MAF: variants seen among roughly 807,000 people sequenced by gnomAD.
The protein encoded by MAF is MAF bZIP transcription factor, also known as transcription factor Maf.
In MAF, 10 loss-of-function variants were observed where a neutral mutation model predicts 22.0. The observed-to-expected ratio is 0.45, with a 90% CI of 0.28 to 0.77. The LOEUF is 0.77. MAF is among the 30% of genes least tolerant of loss of function. The pLI is 0.12. For synonymous variants in MAF, 337 were observed against 255.8 expected (o/e 1.32, Z -3.03); for missense variants, 544 against 548.4 (o/e 0.99, Z 0.08).
the MAF span, among the ~76,000 whole-genome samples, chr16:79,563,111 G>C: frequency 6.6e-6 from 1 of 152,178 alleles, no homozygotes; most frequent in Non-Finnish European, 1.5e-5. Context: ...ACGCTCAGGA[G>C]GATTTATCGT....
At chr16:79,452,214 T>G in the MAF span, among the ~76,000 whole-genome samples, 1 of 152,222 alleles carries the variant, frequency 6.6e-6, no homozygotes, top group Non-Finnish European at 1.5e-5. Flanking sequence ...ACAGAGTAGA[T>G]AATTTTATGT....
At chr16:79,551,047 T>G in the MAF span, among the ~76,000 whole-genome samples, 7 of 152,270 alleles carry the variant, frequency 4.6e-5, no homozygotes, top group East Asian at 1.4e-3. Flanking sequence ...ATGCACAGGT[T>G]CTTTCTGGAA....
At chr16:79,261,780 G>A in the MAF span, among the ~76,000 whole-genome samples, 3 of 152,158 alleles carry the variant, frequency 2.0e-5, no homozygotes, top group Non-Finnish European at 4.4e-5. Flanking sequence ...GCAGGGCCTG[G>A]CCTCAAAGAC....
chr16:79,474,187 A>G, the MAF span, among the ~76,000 whole-genome samples: 12 of 152,186 alleles, frequency 7.9e-5, no homozygotes, highest in Non-Finnish European at 1.3e-4. Flanking sequence ...TTAAAGCTCA[A>G]GGGCTACCCC....
chr16:79,351,528 A>T, the MAF span, among the ~76,000 whole-genome samples: 1 of 152,268 alleles, frequency 6.6e-6, no homozygotes, highest in East Asian at 1.9e-4. Flanking sequence ...CTGCATCTCT[A>T]TGCAGAATGA....
At chr16:79,559,790 G>T in the MAF span, among the ~76,000 whole-genome samples, 1 of 152,098 alleles carries the variant, frequency 6.6e-6, no homozygotes, top group Non-Finnish European at 1.5e-5. Flanking sequence ...TCAATTTATT[G>T]TTTAGCTATC....
chr16:79,599,201 TCCGCCGCCG>T lies in MAF; in HGVS notation c.693_701del (p.Gly236_Gly238del), dbSNP rs887468453. On this transcript the variant is annotated inframe_deletion, in exon 1 of 2. Coordinates refer to ENST00000326043, the MANE Select transcript of MAF (RefSeq NM_005360.5). ...CCGCCCCCGCCGCGCCCCCGCCGCC[TCCGCCGCCG>T]CCGCCGCCGCCGCCGCCCCCAGCGC... is the stretch of plus-strand genomic sequence containing the variant. 274 of 975,024 alleles carry T rather than the reference TCCGCCGCCG, an allele frequency of 2.8e-4. 1 individual carries two copies. Among genetic ancestry groups the T allele is most frequent in the East Asian group, 1.5e-3 (13 of 8,892 alleles). 60.4% of individuals were successfully genotyped at this position (975,024 alleles called of 1,614,324 possible). A position where few individuals can be genotyped will look rare whatever the true frequency, so the allele number is the denominator to read the frequency against.
At chr16:79,482,667 G>A in the MAF span, among the ~76,000 whole-genome samples, 2,468 of 152,178 alleles carry the variant, frequency 0.016, 78 homozygotes, top group African/African-American at 0.057. Flanking sequence ...TCACAGCGTG[G>A]CCCTGCCCCA....
the MAF span, among the ~76,000 whole-genome samples, chr16:79,450,928 G>A: frequency 1.6e-4 from 24 of 152,132 alleles, no homozygotes; most frequent in East Asian, 3.9e-4. Context: ...CCATAGCAGA[G>A]AATAGACACT....
chr16:79,229,205 T>A, the MAF span: 1 of 151,444 alleles, frequency 6.6e-6, no homozygotes, highest in South Asian at 2.1e-4. Context: ...CGGAATTTAG[T>A]AACATTAATT....
the MAF span, among the ~76,000 whole-genome samples, chr16:79,530,364 G>A: frequency 6.6e-6 from 1 of 152,136 alleles, no homozygotes; most frequent in African/African-American, 2.4e-5. Flanking sequence ...GGGTCCCAAA[G>A]TGCCTACTTC....
At chr16:79,434,244 T>C in the MAF span, among the ~76,000 whole-genome samples, 5 of 152,224 alleles carry the variant, frequency 3.3e-5, no homozygotes, top group Non-Finnish European at 5.9e-5. Flanking sequence ...AAATGATGTA[T>C]GTTTGGTGAC....
At chr16:79,395,080 C>T in the MAF span, among the ~76,000 whole-genome samples, 1 of 152,182 alleles carries the variant, frequency 6.6e-6, no homozygotes, top group Non-Finnish European at 1.5e-5. Context: ...CAAGAATCTA[C>T]CCCAGGCGGA....
At chr16:79,509,654 G>A in the MAF span, among the ~76,000 whole-genome samples, 1 of 152,230 alleles carries the variant, frequency 6.6e-6, no homozygotes, top group Non-Finnish European at 1.5e-5. Flanking sequence ...GCGTTACCTT[G>A]GCCTGAGCGT....
chr16:79,575,099 C>A, the MAF span, among the ~76,000 whole-genome samples: 2 of 151,498 alleles, frequency 1.3e-5, no homozygotes, highest in Non-Finnish European at 2.9e-5. Context: ...GTCTGAGGCA[C>A]GGCATCAATG....
chr16:79,358,520 G>A, the MAF span, among the ~76,000 whole-genome samples: 4 of 152,166 alleles, frequency 2.6e-5, no homozygotes, highest in Admixed American at 1.3e-4. Context: ...GATAGCTCCC[G>A]GGGCAGGGTA....
chr16:79,230,158 C>A, the MAF span, among the ~76,000 whole-genome samples: 2 of 152,106 alleles, frequency 1.3e-5, no homozygotes, highest in East Asian at 3.8e-4. Flanking sequence ...AGAAACATTT[C>A]TGGTTCTTAC....
chr16:79,254,193 T>C, the MAF span, among the ~76,000 whole-genome samples: 4 of 152,214 alleles, frequency 2.6e-5, no homozygotes, highest in African/African-American at 7.2e-5. Context: ...TTCAACATTT[T>C]CGAATAATTT....
chr16:79,232,469 G>A, the MAF span, among the ~76,000 whole-genome samples: 4 of 151,906 alleles, frequency 2.6e-5, no homozygotes, highest in Admixed American at 1.3e-4. Context: ...CTTTTATATG[G>A]AGAAAGAAAC....
Sources: gnomAD v4.1 joint callset for allele counts (sites outside exome capture counted in the v4.1 genomes callset) on GRCh38, gnomAD v4.1.1 for gene constraint, MANE v1.5 for transcripts, NCBI Gene and HGNC (gene_info 2026-07-23, HGNC 2026-07-21) for gene names.